Variants in PDS5B observed in about 807,000 individuals in gnomAD.
PDS5B encodes the protein sister chromatid cohesion protein PDS5 homolog B.
A neutral mutation model predicts 184.1 loss-of-function variants in PDS5B; 51 were observed. The ratio of observed to expected loss-of-function variants is 0.28; its 90% confidence interval spans 0.22 to 0.35. The LOEUF (loss-of-function observed/expected upper bound fraction) is 0.35. Ranked by LOEUF, PDS5B falls within the 10% of genes least tolerant of loss-of-function variation. The pLI is 1.00. For synonymous variants in PDS5B, 566 were observed against 569.2 expected, an observed-to-expected ratio of 0.99 and a Z score of 0.08; for missense variants, 1,180 against 1,723.3, an observed-to-expected ratio of 0.68 and a Z score of 5.58.
chr13:32,758,162 A>C lies in PDS5B; in HGVS notation c.3132A>C (p.Val1044=). The C allele has an allele frequency of 6.5e-7, 1 of 1,549,608 alleles. No individual in the cohort carries two copies. The highest frequency in any genetic ancestry group is 2.3e-5 in the East Asian group (1 of 43,542). The part of the protein sequence containing the change: ...NNSHAFIRKM[V]ENIKQTKDAQ... The stretch of plus-strand genomic sequence containing the variant: ...GTCACGCTTTTATCAGAAAGATGGT[A>C]GAAAATATTAAACAAACAAAAGATG... Residue 1044 remains valine (V), a synonymous_variant, in exon 27 of 35, where the codon GTA becomes GTC. Coordinates refer to ENST00000315596, the MANE Select transcript of PDS5B (RefSeq NM_015032.4).
chr13:32,614,008 T>C (rs1261192998), intron 1 of PDS5B, among the ~76,000 whole-genome samples: 2 of 152,230 alleles, frequency 1.3e-5, no homozygotes, highest in African/African-American at 4.8e-5. Flanking sequence ...TCCCATTAAA[T>C]TGGCTTGGCA....
chr13:32,637,609 C>G (rs1049945374), intron 1 of PDS5B, among the ~76,000 whole-genome samples: 1 of 151,792 alleles, frequency 6.6e-6, no homozygotes, highest in African/African-American at 2.4e-5. Context: ...AGAACATAAA[C>G]AGTAAAAAGA....
intron 1 of PDS5B, among the ~76,000 whole-genome samples, chr13:32,598,788 T>TTG (rs61280899): frequency 6.7e-6 from 1 of 148,680 alleles, no homozygotes; most frequent in Non-Finnish European, 1.5e-5. Context: ...TTTTTTTTTT[T>TTG]GAGACAGAGT....
At chr13:32,661,652 T>A (rs1950651573) in intron 6 of PDS5B, among the ~76,000 whole-genome samples, 3 of 151,962 alleles carry the variant, frequency 2.0e-5, no homozygotes, top group East Asian at 1.9e-4. Flanking sequence ...AGCCGTTAAT[T>A]TATGGATTAG....
chr13:32,711,741 G>A (rs2140897148), intron 19 of PDS5B, among the ~76,000 whole-genome samples: 1 of 152,302 alleles, frequency 6.6e-6, no homozygotes, highest in African/African-American at 2.4e-5. Flanking sequence ...TCAGAGATGA[G>A]AGTTTGGTTG....
intron 1 of PDS5B, among the ~76,000 whole-genome samples, chr13:32,601,636 A>T (rs1200594537): frequency 6.6e-6 from 1 of 152,208 alleles, no homozygotes; most frequent in Non-Finnish European, 1.5e-5. Flanking sequence ...CTGAGGAAAA[A>T]ATACTAAAAT....
intron 30 of PDS5B, 144 bp downstream of exon 30, chr13:32,760,864 C>T (rs1954370552): frequency 1.3e-6 from 1 of 773,172 alleles, no homozygotes; most frequent in Admixed American, 3.0e-5. Flanking sequence ...TTGGTAGTCA[C>T]AAGTTCATAC....
At chr13:32,728,963 T>TA (rs1953006076) in intron 19 of PDS5B, among the ~76,000 whole-genome samples, 1 of 152,220 alleles carries the variant, frequency 6.6e-6, no homozygotes, top group African/African-American at 2.4e-5. Context: ...AGTTCTGAGA[T>TA]ACATGTGCAG....
In PDS5B at chr13:32,758,252, A is replaced by C. The variant is rs370241279; in HGVS notation, c.3189+33A>C. On this transcript the variant is annotated intron_variant, in intron 27 of 34. Coordinates refer to ENST00000315596, the MANE Select transcript of PDS5B (RefSeq NM_015032.4). ...ATTCTTTGTAAATAATTATGGTTCC[A>C]TATTGATTTAAAAATTTAGGTGTAA... is the stretch of plus-strand genomic sequence containing the variant. 5.7e-5 allele frequency: 82 copies of C among 1,443,660 alleles called. 1 individual carries two copies. The South Asian group carries it at 1.1e-3, about 20-fold the overall frequency. The allele number at this position is 1,443,660 out of a possible 1,614,324, so 89.4% of individuals were successfully genotyped here.
intron 11 of PDS5B, among the ~76,000 whole-genome samples, chr13:32,685,284 T>C (rs1197474600): frequency 6.6e-6 from 1 of 152,328 alleles, no homozygotes; most frequent in African/African-American, 2.4e-5. Context: ...CTAATCTTTA[T>C]TGAATATTTC....
At chr13:32,691,148 T>C (rs985057963) in intron 13 of PDS5B, 6 of 152,154 alleles carry the variant, frequency 3.9e-5, no homozygotes, top group African/African-American at 4.8e-5. Flanking sequence ...CCCTTGTTTC[T>C]TGTTTCCTTT....
chr13:32,759,960 T>C (rs1193909837), intron 29 of PDS5B, among the ~76,000 whole-genome samples: 2 of 152,102 alleles, frequency 1.3e-5, no homozygotes, highest in Non-Finnish European at 2.9e-5. Flanking sequence ...AAAAAAAATC[T>C]TAAAAGGCTT....
At chr13:32,597,298 C>T (rs1297400920) in intron 1 of PDS5B, among the ~76,000 whole-genome samples, 1 of 151,880 alleles carries the variant, frequency 6.6e-6, no homozygotes, top group Admixed American at 6.6e-5. Context: ...CTGCCTCAGC[C>T]TCCCAAAGTG....
intron 18 of PDS5B, among the ~76,000 whole-genome samples, chr13:32,708,175 G>A (rs954408127): frequency 5.3e-5 from 8 of 152,178 alleles, no homozygotes; most frequent in African/African-American, 1.9e-4. Context: ...TACCTATGGG[G>A]TAGTACTGTT....
At position 32,770,241 on chromosome 13, in the gene PDS5B, A is replaced by C; in HGVS notation, c.3745A>C (p.Ser1249Arg). The change falls in exon 32 of 35, where the codon AGT becomes CGT. Residue 1249 changes from serine (S) to arginine (R), a missense_variant. Ser to Arg is a moderately radical substitution (Grantham distance 110, BLOSUM62 -1). Transcript: ENST00000315596. ...ACAGAAACCTAAAGGCAGTCAGCGA[A>C]GTCGGAAAAGAGGCCATACGGCTTC... ...QEQKPKGSQR[S>R]RKRGHTASES... is the part of the protein sequence containing the mutation. The C allele has an allele frequency of 1.9e-6, 3 of 1,614,116 alleles. No individual in the cohort carries two copies. Among genetic ancestry groups the C allele is most frequent in the Non-Finnish European group, 2.5e-6 (3 of 1,180,024 alleles).
intron 1 of PDS5B, among the ~76,000 whole-genome samples, chr13:32,648,483 G>A (rs1950282366): frequency 6.6e-6 from 1 of 151,910 alleles, no homozygotes; most frequent in Non-Finnish European, 1.5e-5. Flanking sequence ...TTTTTCTCTA[G>A]CTTACTATTA....
chr13:32,758,439 A>C, intron 27 of PDS5B, 95 bp from the exon 28 acceptor site: 1 of 1,251,164 alleles, frequency 8.0e-7, no homozygotes, highest in South Asian at 1.4e-5. Flanking sequence ...TTAGTTTGCT[A>C]TTCAGACTGG....
chr13:32,658,985 A>G (rs1593358063), intron 5 of PDS5B, among the ~76,000 whole-genome samples, 169 bp from the exon 6 acceptor site: 3 of 152,174 alleles, frequency 2.0e-5, no homozygotes. Flanking sequence ...TATAATTTGT[A>G]TACTTTTGTA....
chr13:32,587,414 C>CA (rs1315907534), intron 1 of PDS5B, among the ~76,000 whole-genome samples: 3 of 152,170 alleles, frequency 2.0e-5, no homozygotes, highest in African/African-American at 7.2e-5. Flanking sequence ...AAATGGTGTG[C>CA]AATTGTGACT....
Sources: allele counts gnomAD v4.1 joint callset (sites outside exome capture counted in the v4.1 genomes callset), GRCh38; gene constraint gnomAD v4.1.1; transcripts MANE v1.5; gene names NCBI Gene and HGNC (gene_info 2026-07-23, HGNC 2026-07-21).